The following DUSP16 variants were observed in gnomAD, a reference collection of about 807,000 sequenced individuals.
The protein encoded by DUSP16 is dual specificity protein phosphatase 16.
In DUSP16, 21 loss-of-function variants were observed where a neutral mutation model predicts 58.3. The ratio of observed to expected loss-of-function variants is 0.36; its 90% CI spans 0.26 to 0.52. DUSP16 has a LOEUF of 0.52. DUSP16 is among the 20% of genes least tolerant of loss of function. The probability of loss-of-function intolerance (pLI) is 0.94; values close to 1 mark genes in which losing one functional copy is unlikely to be tolerated. For synonymous variants in DUSP16, 320 were observed against 323.8 expected, an observed-to-expected ratio of 0.99 and a Z score of 0.12; for missense variants, 726 against 819.0, an observed-to-expected ratio of 0.89 and a Z score of 1.39.
chr12:12,480,080 A>T, intron 6 of DUSP16, 143 bp downstream of exon 6: 1 of 1,125,984 alleles, frequency 8.9e-7, no homozygotes, highest in African/African-American at 1.6e-5. Flanking sequence ...TCTTCACAAG[A>T]CCATTAAAAA....
chr12:12,497,267 T>A (rs945680920), intron 4 of DUSP16, among the ~76,000 whole-genome samples: 9 of 152,364 alleles, frequency 5.9e-5, no homozygotes, highest in African/African-American at 2.2e-4. Context: ...ACTTGCATTA[T>A]ATTTCTGTTG....
chr12:12,515,780 T>A (rs1944141047), intron 3 of DUSP16, among the ~76,000 whole-genome samples: 2 of 151,790 alleles, frequency 1.3e-5, no homozygotes, highest in Non-Finnish European at 2.9e-5. Flanking sequence ...ATAGAGAACT[T>A]TTTTTTTCTT....
intron 1 of DUSP16, among the ~76,000 whole-genome samples, chr12:12,523,489 A>T (rs1463965808): frequency 2.0e-5 from 3 of 152,220 alleles, no homozygotes; most frequent in Non-Finnish European, 1.5e-5. Flanking sequence ...GGCACCTGAG[A>T]TACTGTCTCA....
At chr12:12,525,077 C>G (rs946709438) in intron 1 of DUSP16, among the ~76,000 whole-genome samples, 1 of 152,082 alleles carries the variant, frequency 6.6e-6, no homozygotes, top group Non-Finnish European at 1.5e-5. Flanking sequence ...GAATGAAGCA[C>G]AAATATACAC....
rs1055144188 is a variant in DUSP16 at position 12,482,121 on chromosome 12, T to C, written c.692-1775A>G. 5.3e-5 allele frequency among the ~76,000 whole-genome samples: 8 copies of C among 152,150 alleles called. No homozygotes were observed. In the East Asian group the frequency reaches 1.5e-3, roughly 29 times the overall value. ...TTTTGTTTTTTAATGTTGACAATAC[T>C]CTCTCATTAATTTTAATAATTATCT... On this transcript the variant is annotated intron_variant, in intron 5 of 6. Transcript: ENST00000298573.
In DUSP16 at chr12:12,487,017, G is replaced by T; in HGVS notation, c.691+11C>A. On this transcript the variant is annotated intron_variant, in intron 5 of 6. Coordinates refer to ENST00000298573, the MANE Select transcript of DUSP16 (RefSeq NM_030640.3). ...ACCCACAGGACCTGCAATATTATTT[G>T]AGCTACTTACCAATGAAATCTACTG... is the stretch of plus-strand genomic sequence containing the variant. 6.2e-7 allele frequency: 1 copy of T among 1,613,430 alleles called. No homozygotes were observed. Among genetic ancestry groups the T allele is most frequent in the South Asian group, 1.1e-5 (1 of 90,964 alleles).
intron 1 of DUSP16, among the ~76,000 whole-genome samples, chr12:12,542,729 C>G (rs2136254504): frequency 6.6e-6 from 1 of 152,196 alleles, no homozygotes; most frequent in Admixed American, 6.5e-5. Flanking sequence ...GGCATGACTC[C>G]AGATGTAAAG....
rs1943449717 is a variant in DUSP16 at position 12,476,881 on chromosome 12, G to T, written c.1950C>A (p.Gly650=). The T allele has an allele frequency of 6.2e-7, 1 of 1,612,806 alleles. No homozygotes were observed. Among genetic ancestry groups the T allele is most frequent in the Non-Finnish European group, 8.5e-7 (1 of 1,179,950 alleles). ...NRSREELGKV[G]SQSSFSGSME... The stretch of plus-strand genomic sequence containing the variant: ...TGCTGCCCGAAAAGCTAGACTGACT[G>T]CCCACTTTCCCCAGCTCTTCCCGTG... Residue 650 remains glycine, a synonymous_variant, in exon 7 of 7, where the codon GGC becomes GGA. Coordinates refer to ENST00000298573, the MANE Select transcript of DUSP16 (RefSeq NM_030640.3).
At chr12:12,490,867 A>G (rs1293740894) in intron 4 of DUSP16, among the ~76,000 whole-genome samples, 1 of 152,254 alleles carries the variant, frequency 6.6e-6, no homozygotes, top group African/African-American at 2.4e-5. Flanking sequence ...CTTAGGTCAC[A>G]GAAAAGCATC....
Position 12,477,193 on chromosome 12 carries a change from G to A in DUSP16, c.1638C>T (p.Pro546=). Residue 546 remains proline, a synonymous_variant, in exon 7 of 7, where the codon CCC becomes CCT. Transcript: ENST00000298573. The surrounding 1 kb of genome is among the most constrained non-coding windows in gnomAD (Gnocchi z 4.1). ...LKGWHSDILA[P]QTSTPSLTSS... The stretch of plus-strand genomic sequence containing the variant: ...TGGTCAGGGAAGGGGTAGAGGTCTG[G>A]GGGGCCAAGATATCCGAGTGCCAGC... 1 of 1,614,220 alleles carries A rather than the reference G, an allele frequency of 6.2e-7. No homozygotes were observed. The highest frequency in any genetic ancestry group is 8.5e-7 in the Non-Finnish European group (1 of 1,180,036).
chr12:12,501,649 G>C (rs756647172), intron 3 of DUSP16, among the ~76,000 whole-genome samples: 1 of 152,050 alleles, frequency 6.6e-6, no homozygotes. Context: ...CACTAAGTCC[G>C]AATCAAGGAG....
At position 12,477,587 on chromosome 12, in the gene DUSP16, G is replaced by A. The variant is rs1205402434; in HGVS notation, c.1244C>T (p.Ala415Val). ...KSVSYSASMA[A>V]SLHGFSSSED... ...TGATGAGGAGAAGCCATGTAAGGAT[G>A]CTGCCATGCTGGCTGAATATGAAAC... is the stretch of plus-strand genomic sequence containing the variant. Residue 415 changes from alanine (A) to valine (V), a missense_variant, in exon 7 of 7, where the codon GCA (alanine) becomes GTA (valine). Ala to Val is a moderately conservative substitution (Grantham distance 64, BLOSUM62 0). Transcript: ENST00000298573. This position sits in a 1 kb window ranked among gnomAD's most constrained non-coding sequence, Gnocchi z 4.1. The A allele has an allele frequency of 1.2e-6, 2 of 1,614,136 alleles. No individual in the cohort carries two copies. The highest frequency in any genetic ancestry group is 1.1e-5 in the South Asian group (1 of 91,056).
In DUSP16 at chr12:12,562,278, CTCT is replaced by C. The variant is rs964022188; in HGVS notation, c.-530_-528del. The C allele has an allele frequency of 6.0e-5, 9 of 149,550 alleles. No individual in the cohort carries two copies. The highest frequency in any genetic ancestry group is 5.3e-4 in the Admixed American group (8 of 15,110). The allele number at this position is 149,550 out of a possible 1,614,324, so 9.3% of individuals were successfully genotyped here. A position where few individuals can be genotyped will look rare whatever the true frequency, so the allele number is the denominator to read the frequency against. On this transcript the variant is annotated 5_prime_UTR_variant, in exon 1 of 7. Transcript: ENST00000298573. Reference sequence around the variant, plus strand: ...GTCCCGTCCCGTCGCTCTCCTCCTCCTCTTCTTTTCAGTATATTATCTTCTCCT... The same window carrying C: ...GTCCCGTCCCGTCGCTCTCCTCCTCCTCTTTTCAGTATATTATCTTCTCCT...
At chr12:12,498,749 A>T (rs1943869084) in intron 4 of DUSP16, among the ~76,000 whole-genome samples, 1 of 152,174 alleles carries the variant, frequency 6.6e-6, no homozygotes, top group African/African-American at 2.4e-5. Context: ...TATCCAGCTT[A>T]ATAGTTTATT....
Sources: allele counts gnomAD v4.1 joint callset (sites outside exome capture counted in the v4.1 genomes callset), GRCh38; gene constraint gnomAD v4.1.1; non-coding constraint Gnocchi (gnomAD v3.1); transcripts MANE v1.5; gene names NCBI Gene and HGNC (gene_info 2026-07-23, HGNC 2026-07-21).